Variants in HIPK3 observed in about 807,000 individuals in gnomAD.
HIPK3 encodes the protein homeodomain interacting protein kinase 3.
In HIPK3, 47 loss-of-function variants were observed where a neutral mutation model predicts 124.2. That is an observed-to-expected ratio of 0.38 (90% CI 0.30 to 0.48). The LOEUF (loss-of-function observed/expected upper bound fraction) is 0.48. Among genes scored for constraint, HIPK3 ranks in the 20% least tolerant of loss-of-function variants. The pLI, the probability that HIPK3 is intolerant of heterozygous loss-of-function variation, is 0.98. For synonymous variants in HIPK3, 482 were observed against 515.2 expected, an observed-to-expected ratio of 0.94 and a Z score of 0.87; for missense variants, 1,286 against 1,454.3, an observed-to-expected ratio of 0.88 and a Z score of 1.88.
chr11:33,268,776 T>A (rs2133871888), intron 1 of HIPK3, among the ~76,000 whole-genome samples: 1 of 152,240 alleles, frequency 6.6e-6, no homozygotes. Flanking sequence ...CACTCTATAA[T>A]TTCTCCTTAA....
chr11:33,352,864 C>T (rs1342623544), intron 16 of HIPK3, among the ~76,000 whole-genome samples: 2 of 151,952 alleles, frequency 1.3e-5, no homozygotes, highest in Non-Finnish European at 2.9e-5. Flanking sequence ...GCAGTAATAG[C>T]AGTGTTTATA....
At chr11:33,339,046 C>T (rs553929664) in intron 5 of HIPK3, among the ~76,000 whole-genome samples, 7 of 152,254 alleles carry the variant, frequency 4.6e-5, no homozygotes, top group African/African-American at 1.4e-4. Context: ...TTTACCTATT[C>T]GTTCTTTAGT....
intron 2 of HIPK3, among the ~76,000 whole-genome samples, chr11:33,326,795 C>A (rs1565087162): frequency 6.6e-6 from 1 of 151,820 alleles, no homozygotes; most frequent in East Asian, 1.9e-4. Flanking sequence ...CCTCAGTCTC[C>A]CAAATAGCTG....
At chr11:33,292,073 C>G (rs1446392213) in intron 2 of HIPK3, among the ~76,000 whole-genome samples, 1 of 152,074 alleles carries the variant, frequency 6.6e-6, no homozygotes. Context: ...TAATATTTTA[C>G]ATAGGGTACT....
rs534448598 is a variant in HIPK3, at chr11:33,258,444, G to A, written c.-3+555G>A. The A allele has an allele frequency of 1.3e-5, 13 of 985,534 alleles. No individual in the cohort carries two copies. The African/African-American group carries it at 2.3e-4, about 17-fold the overall frequency. 61.0% of individuals were successfully genotyped at this position (985,534 alleles called of 1,614,324 possible). ...AGCGTCGCGGAGCAGCGGGTTTGCA[G>A]GGTGTCAACTCTGGGGACGTGCGTG... is the stretch of plus-strand genomic sequence containing the variant. On this transcript the variant is annotated intron_variant, in intron 1 of 16. Transcript: ENST00000303296.
chr11:33,324,781 C>T (rs574017850), intron 2 of HIPK3, among the ~76,000 whole-genome samples: 1 of 152,342 alleles, frequency 6.6e-6, no homozygotes, highest in African/African-American at 2.4e-5. Flanking sequence ...CATAACTGCA[C>T]TGCTGTGGGA....
At position 33,266,209 on chromosome 11, in the gene HIPK3, G is replaced by A. The variant is rs561035760; in HGVS notation, c.-3+8320G>A. 1.7e-4 allele frequency among the ~76,000 whole-genome samples: 26 copies of A among 151,878 alleles called. 1 individual carries two copies. Among genetic ancestry groups the A allele is most frequent in the Admixed American group, 7.9e-4 (12 of 15,200 alleles). On this transcript the variant is annotated intron_variant, in intron 1 of 16. Coordinates refer to ENST00000303296, the MANE Select transcript of HIPK3 (RefSeq NM_005734.5). The stretch of plus-strand genomic sequence containing the variant: ...TGATAAGTGAAATTAGCTGAATACT[G>A]TAAATTTTCTTTTATATTTGTATAT...
chr11:33,313,613 A>G (rs1265856789), intron 2 of HIPK3, among the ~76,000 whole-genome samples: 2 of 152,144 alleles, frequency 1.3e-5, no homozygotes, highest in African/African-American at 2.4e-5. Context: ...ATTTTTTGCA[A>G]CTTTTCTGTA....
chr11:33,351,839 C>A lies in HIPK3; in HGVS notation c.3039C>A (p.Asn1013Lys), dbSNP rs1853670574. The part of the protein sequence containing the change: ...NGLNADEHMA[N>K]TDSICQPLIK... ...TAAATGCCGATGAGCATATGGCAAA[C>A]ACAGGTAAGTTGAGTCCTCCCATTT... Residue 1013 changes from asparagine to lysine, a missense_variant, in exon 15 of 17, where the codon AAC becomes AAA. Asn to Lys is a moderately conservative substitution (Grantham distance 94). Coordinates refer to ENST00000303296, the MANE Select transcript of HIPK3 (RefSeq NM_005734.5). The A allele has an allele frequency of 1.9e-6, 3 of 1,610,162 alleles. No homozygotes were observed. In the East Asian group the frequency reaches 6.7e-5, roughly 36 times the overall value.
rs771522009 is a variant in HIPK3 at position 33,341,564 on chromosome 11, C to T, written c.1775C>T (p.Ala592Val). ...FTKIGTLRSQ[A>V]LTTSAHSVVH... ...TATATAATGTGCTCGTTGTTTCAGG[C>T]ATTGACCACATCTGCTCATTCAGTT... The change falls in exon 8 of 17, where the codon GCA becomes GTA. Residue 592 changes from alanine (A) to valine (V), a missense_variant and splice_region_variant. Ala to Val is a moderately conservative substitution (Grantham distance 64). Coordinates refer to ENST00000303296, the MANE Select transcript of HIPK3 (RefSeq NM_005734.5). The T allele has an allele frequency of 5.0e-6, 8 of 1,607,298 alleles. No individual in the cohort carries two copies. In the East Asian group the frequency reaches 1.1e-4, roughly 22 times the overall value.
Position 33,339,448 on chromosome 11 carries a change from T to G in HIPK3, c.1527T>G (p.Asp509Glu). ...TGTTGAAGAAAATGTTGCTGATTGA[T>G]GCAGATTTAAGAATTACTCCAGCTG... is the stretch of plus-strand genomic sequence containing the variant. Reference protein sequence around the residue: ...VSLLKKMLLIDADLRITPAET... With the variant: ...VSLLKKMLLIEADLRITPAET... Residue 509 changes from aspartate (D) to glutamate (E), a missense_variant, in exon 6 of 17, where the codon GAT becomes GAG. By Grantham distance (45) the Asp-to-Glu change is conservative (BLOSUM62 2). Coordinates refer to ENST00000303296, the MANE Select transcript of HIPK3 (RefSeq NM_005734.5). The G allele has an allele frequency of 6.2e-7, 1 of 1,613,474 alleles. No individual in the cohort carries two copies. The highest frequency in any genetic ancestry group is 2.2e-5 in the East Asian group (1 of 44,830).
chr11:33,314,218 G>A (rs924197203), intron 2 of HIPK3, among the ~76,000 whole-genome samples: 16 of 152,178 alleles, frequency 1.1e-4, no homozygotes, highest in African/African-American at 2.9e-4. Context: ...GTTTGTATAA[G>A]CCCCACCTTT....
intron 2 of HIPK3, among the ~76,000 whole-genome samples, chr11:33,307,818 A>T (rs1474491281): frequency 1.3e-5 from 2 of 151,750 alleles, no homozygotes; most frequent in African/African-American, 4.8e-5. Context: ...TATTCTCCTT[A>T]TGAAACTTTT....
rs144280785 is a variant in HIPK3, at chr11:33,258,422, G to T, written c.-3+533G>T. 1,945 of 985,616 alleles carry T rather than the reference G, an allele frequency of 2.0e-3. 28 individuals are homozygous for T. In the African/African-American group the frequency reaches 0.032, roughly 16 times the overall value. 61.1% of individuals were successfully genotyped at this position (985,616 alleles called of 1,614,324 possible). On this transcript the variant is annotated intron_variant, in intron 1 of 16. Transcript: ENST00000303296. ...CGGGCTTTGTGGCCCCGTCCCCAGC[G>T]TCGCGGAGCAGCGGGTTTGCAGGGT...
intron 2 of HIPK3, among the ~76,000 whole-genome samples, chr11:33,303,736 T>A (rs1852070794): frequency 6.6e-6 from 1 of 152,090 alleles, no homozygotes; most frequent in Non-Finnish European, 1.5e-5. Flanking sequence ...CATGAAAGAG[T>A]GCCAGTTCAG....
In HIPK3 at chr11:33,287,440, AAT is replaced by A; in HGVS notation, c.1028_1029del (p.Ile343ArgfsTer35). On this transcript the variant is annotated frameshift_variant, in exon 2 of 17. Transcript: ENST00000303296. LOFTEE classifies it high-confidence loss of function. ...TTCGGCAGCCTTACAGGGTTAAAGT[AAT>A]AGACTTTGGGTCGGCCAGTCATGTA... The part of the protein sequence containing the change: ...PVRQPYRVKV[I>X]DFGSASHVSK... 1 of 1,614,198 alleles carries A rather than the reference AAT, an allele frequency of 6.2e-7. No homozygotes were observed. Among genetic ancestry groups the A allele is most frequent in the Non-Finnish European group, 8.5e-7 (1 of 1,180,028 alleles).
At chr11:33,258,302 T>C (rs1850725742) in intron 1 of HIPK3, 1 of 985,190 alleles carries the variant, frequency 1.0e-6, no homozygotes, top group African/African-American at 1.7e-5. Flanking sequence ...TCCGCAGTCC[T>C]AGGCCGTAAC....
At chr11:33,298,491 T>G (rs930518882) in intron 2 of HIPK3, among the ~76,000 whole-genome samples, 1 of 152,244 alleles carries the variant, frequency 6.6e-6, no homozygotes, top group African/African-American at 2.4e-5. Context: ...AGTCTCATTC[T>G]TTAAGAAATA....
chr11:33,321,024 A>G (rs1852648697), intron 2 of HIPK3, among the ~76,000 whole-genome samples: 1 of 152,186 alleles, frequency 6.6e-6, no homozygotes, highest in Non-Finnish European at 1.5e-5. Context: ...TAGATTCCCA[A>G]AGACTGAGCC....
Sources: allele counts gnomAD v4.1 joint callset (sites outside exome capture counted in the v4.1 genomes callset), GRCh38; gene constraint gnomAD v4.1.1; transcripts MANE v1.5; gene names NCBI Gene and HGNC (gene_info 2026-07-23, HGNC 2026-07-21).